ATG5: variants seen among roughly 807,000 people sequenced by gnomAD.
ATG5 encodes the protein autophagy related 5, also known as autophagy protein 5.
A neutral mutation model predicts 36.5 loss-of-function variants in ATG5; 14 were observed. The ratio of observed to expected loss-of-function variants is 0.38; its 90% CI spans 0.25 to 0.60. The LOEUF is 0.60. Ranked by LOEUF, ATG5 falls within the 20% of genes least tolerant of loss-of-function variation. The pLI, the probability that ATG5 is intolerant of heterozygous loss-of-function variation, is 0.60. For missense variants in ATG5, 195 were observed against 326.7 expected, an observed-to-expected ratio of 0.60 and a Z score of 3.11; for synonymous variants, 95 against 101.5, an observed-to-expected ratio of 0.94 and a Z score of 0.38.
chr6:106,234,956 G>A (rs1777836254), intron 6 of ATG5, among the ~76,000 whole-genome samples: 1 of 152,172 alleles, frequency 6.6e-6, no homozygotes, highest in Admixed American at 6.5e-5. Context: ...GGGGGAAGCT[G>A]TTTATTTTTA....
chr6:106,238,060 T>C (rs1386751548), intron 6 of ATG5, among the ~76,000 whole-genome samples: 3 of 152,240 alleles, frequency 2.0e-5, no homozygotes, highest in Non-Finnish European at 2.9e-5. Context: ...ATTTATCTTA[T>C]AACTGTTATA....
At chr6:106,251,834 T>G (rs147119436) in intron 5 of ATG5, among the ~76,000 whole-genome samples, 44 of 151,598 alleles carry the variant, frequency 2.9e-4, no homozygotes, top group African/African-American at 9.4e-4. Context: ...TCTTTCACAA[T>G]GGATTTTTTT....
chr6:106,264,425 T>C (rs933741574), intron 5 of ATG5, among the ~76,000 whole-genome samples: 3 of 152,082 alleles, frequency 2.0e-5, no homozygotes, highest in South Asian at 2.1e-4. Flanking sequence ...CTTCGGGGTA[T>C]TATCCAGGAG....
Position 106,186,494 on chromosome 6 carries a change from T to C in ATG5, c.*46A>G. 5 of 1,604,584 alleles carry C rather than the reference T, an allele frequency of 3.1e-6. No individual in the cohort carries two copies. Among genetic ancestry groups the C allele is most frequent in the Non-Finnish European group, 4.3e-6 (5 of 1,172,410 alleles). The stretch of plus-strand genomic sequence containing the variant: ...GAAGCAAAAGGGTGACATGCTCTGA[T>C]AAATCCCATTTAAGGATGATTCTGT... On this transcript the variant is annotated 3_prime_UTR_variant, in exon 8 of 8. Coordinates refer to ENST00000369076, the MANE Select transcript of ATG5 (RefSeq NM_004849.4).
chr6:106,323,343 A>G (rs901766169), intron 1 of ATG5, among the ~76,000 whole-genome samples: 2 of 136,098 alleles, frequency 1.5e-5, no homozygotes, highest in African/African-American at 2.8e-5. Flanking sequence ...ATCATGGGTC[A>G]CTGTAACCTT....
intron 6 of ATG5, 107 bp from the exon 7 acceptor site, chr6:106,202,196 GGT>G: frequency 1.3e-6 from 1 of 757,464 alleles, no homozygotes; most frequent in African/African-American, 1.7e-5. Flanking sequence ...CTTTTGATAC[GGT>G]GTTAGCATAA....
intron 5 of ATG5, among the ~76,000 whole-genome samples, chr6:106,261,000 C>G (rs1034352914): frequency 6.6e-6 from 1 of 152,130 alleles, no homozygotes; most frequent in African/African-American, 2.4e-5. Flanking sequence ...ATACATGAAC[C>G]AGCATTAACT....
chr6:106,207,882 G>C (rs149037343), intron 6 of ATG5, among the ~76,000 whole-genome samples: 1 of 152,024 alleles, frequency 6.6e-6, no homozygotes, highest in Non-Finnish European at 1.5e-5. Flanking sequence ...TCACGAGGTC[G>C]GGAGTCCGAG....
At chr6:106,301,980 C>T (rs886637798) in intron 3 of ATG5, among the ~76,000 whole-genome samples, 2 of 152,040 alleles carry the variant, frequency 1.3e-5, no homozygotes, top group African/African-American at 4.8e-5. Context: ...AATCTGGTTT[C>T]TGACTCCAGA....
chr6:106,231,104 C>T (rs545521786), intron 6 of ATG5, among the ~76,000 whole-genome samples: 26 of 152,230 alleles, frequency 1.7e-4, no homozygotes, highest in African/African-American at 3.1e-4. Flanking sequence ...CAATATTCCC[C>T]GATTATGCCC....
intron 5 of ATG5, among the ~76,000 whole-genome samples, chr6:106,256,830 ATACTC>A (rs1158526948): frequency 4.6e-5 from 7 of 152,188 alleles, no homozygotes; most frequent in Non-Finnish European, 7.3e-5. Flanking sequence ...GGACATTACT[ATACTC>A]TACTGTAGAC....
chr6:106,198,975 A>G (rs74787073), intron 7 of ATG5, among the ~76,000 whole-genome samples: 3,747 of 152,344 alleles, frequency 0.025, 64 homozygotes, highest in African/African-American at 0.049. Flanking sequence ...AAAGAGATCT[A>G]CAAATTATAA....
chr6:106,218,666 T>C (rs1334859514), intron 6 of ATG5, among the ~76,000 whole-genome samples: 2 of 152,148 alleles, frequency 1.3e-5, no homozygotes, highest in Non-Finnish European at 2.9e-5. Context: ...GCAGCTAAAA[T>C]GAACACCTAG....
At position 106,246,371 on chromosome 6, in the gene ATG5, GTC is replaced by G. The variant is rs761408773; in HGVS notation, c.573+1777_573+1778del. ...TAAAAACCATTCTCTCTCTGTCTCTGTCTCTCTCTCTCTCTCTCTCTCACACA... is the reference window on the plus strand; with the variant it reads ...TAAAAACCATTCTCTCTCTGTCTCTGTCTCTCTCTCTCTCTCTCTCACACA... On this transcript the variant is annotated intron_variant, in intron 6 of 7. Transcript: ENST00000369076. Among the ~76,000 whole-genome samples the G allele has an allele frequency of 4.9e-3, 607 of 124,662 alleles. 2 individuals carry two copies. The highest frequency in any genetic ancestry group is 0.016 in the South Asian group (58 of 3,608). The allele number at this position is 124,662 out of a possible 152,430, so 81.8% of individuals were successfully genotyped here. A position where few individuals can be genotyped will look rare whatever the true frequency, so the allele number is the denominator to read the frequency against.
chr6:106,218,275 C>A (rs973762674), intron 6 of ATG5, among the ~76,000 whole-genome samples: 2 of 152,116 alleles, frequency 1.3e-5, no homozygotes, highest in African/African-American at 4.8e-5. Flanking sequence ...GAAAAGAGTG[C>A]AAGAGTGTGG....
chr6:106,268,187 GA>G (rs1779299872), intron 5 of ATG5, among the ~76,000 whole-genome samples: 1 of 151,872 alleles, frequency 6.6e-6, no homozygotes, highest in African/African-American at 2.4e-5. Context: ...AAATTTACAA[GA>G]AAAAAAGAAA....
At chr6:106,275,629 C>G (rs1385138855) in intron 5 of ATG5, among the ~76,000 whole-genome samples, 2 of 152,066 alleles carry the variant, frequency 1.3e-5, no homozygotes, top group African/African-American at 4.8e-5. Context: ...ACAACAGTCA[C>G]ATAAGAAACA....
intron 6 of ATG5, among the ~76,000 whole-genome samples, chr6:106,231,409 C>T (rs1486755926): frequency 3.3e-5 from 5 of 152,140 alleles, no homozygotes; most frequent in Admixed American, 6.5e-5. Context: ...GGAAAGAGAA[C>T]GATTCCCCAC....
At chr6:106,261,422 T>G (rs1338515138) in intron 5 of ATG5, among the ~76,000 whole-genome samples, 1 of 152,216 alleles carries the variant, frequency 6.6e-6, no homozygotes, top group African/African-American at 2.4e-5. Flanking sequence ...TGCAGCCAAA[T>G]AAGTCATTAT....
Sources: allele counts gnomAD v4.1 joint callset (sites outside exome capture counted in the v4.1 genomes callset), GRCh38; gene constraint gnomAD v4.1.1; transcripts MANE v1.5; gene names NCBI Gene and HGNC (gene_info 2026-07-23, HGNC 2026-07-21).